KIAA1549L: variants seen among roughly 807,000 people sequenced by gnomAD.
The protein encoded by KIAA1549L is KIAA1549 like.
In KIAA1549L, 88 loss-of-function variants were observed where a neutral mutation model predicts 160.7. The ratio of observed to expected loss-of-function variants is 0.55; its 90% confidence interval spans 0.46 to 0.65. The LOEUF (loss-of-function observed/expected upper bound fraction) is 0.65. Ranked by LOEUF, KIAA1549L falls within the 30% of genes least tolerant of loss-of-function variation. KIAA1549L has a pLI of 0.00. For missense variants in KIAA1549L, 2,258 were observed against 2,437.5 expected, an observed-to-expected ratio of 0.93 and a Z score of 1.55; for synonymous variants, 950 against 976.7, an observed-to-expected ratio of 0.97 and a Z score of 0.51.
intron 19 of KIAA1549L, among the ~76,000 whole-genome samples, chr11:33,659,193 A>G (rs1187576982): frequency 6.6e-6 from 1 of 152,244 alleles, no homozygotes; most frequent in Non-Finnish European, 1.5e-5. Context: ...CATTCCAGAT[A>G]CAGCCATCCA....
intron 16 of KIAA1549L, among the ~76,000 whole-genome samples, chr11:33,636,030 C>T (rs1039502905): frequency 9.9e-5 from 15 of 152,190 alleles, no homozygotes; most frequent in African/African-American, 3.1e-4. Context: ...CCCACTCCAT[C>T]CCACCCAGGA....
At chr11:33,664,510 A>G (rs546821005) in intron 20 of KIAA1549L, among the ~76,000 whole-genome samples, 6 of 152,192 alleles carry the variant, frequency 3.9e-5, no homozygotes, top group Non-Finnish European at 7.3e-5. Flanking sequence ...CACTCGATTC[A>G]TATGTTCAAA....
At chr11:33,393,141 A>T (rs1034973139) in intron 1 of KIAA1549L, among the ~76,000 whole-genome samples, 2 of 151,908 alleles carry the variant, frequency 1.3e-5, no homozygotes, top group African/African-American at 2.4e-5. Context: ...ACCACCTCCA[A>T]CTCACACCTG....
intron 12 of KIAA1549L, among the ~76,000 whole-genome samples, chr11:33,592,402 A>G (rs977870161): frequency 2.0e-5 from 3 of 152,234 alleles, no homozygotes; most frequent in South Asian, 4.1e-4. Flanking sequence ...AGACTTTGCA[A>G]TAGCCTTATA....
intron 1 of KIAA1549L, among the ~76,000 whole-genome samples, chr11:33,522,106 T>C (rs1461045398): frequency 2.0e-5 from 3 of 152,200 alleles, no homozygotes; most frequent in East Asian, 3.8e-4. Context: ...AAGTAAACTA[T>C]AAATGAAAAT....
Position 33,561,747 on chromosome 11 carries a change from T to A in KIAA1549L, c.4078+12T>A. On this transcript the variant is annotated intron_variant, in intron 8 of 20. Coordinates refer to ENST00000658780, the MANE Select transcript of KIAA1549L (RefSeq NM_012194.3). ...TTGGGTAATTACAGGTAATCTCTTA[T>A]TTTGTAATTTCCCCTCTTCATGCTG... 2 of 1,570,868 alleles carry A rather than the reference T, an allele frequency of 1.3e-6. No homozygotes were observed. Among genetic ancestry groups the A allele is most frequent in the Non-Finnish European group, 1.8e-6 (2 of 1,141,090 alleles).
At chr11:33,392,195 C>T (rs760276394) in intron 1 of KIAA1549L, among the ~76,000 whole-genome samples, 4 of 152,202 alleles carry the variant, frequency 2.6e-5, no homozygotes, top group Admixed American at 6.5e-5. Context: ...TTATACAGTG[C>T]AGTCCTTCCC....
At chr11:33,538,831 A>G (rs942583419) in intron 1 of KIAA1549L, among the ~76,000 whole-genome samples, 1 of 152,234 alleles carries the variant, frequency 6.6e-6, no homozygotes, top group Non-Finnish European at 1.5e-5. Flanking sequence ...AAATTAATGT[A>G]ACCTAAGGAT....
At chr11:33,547,959 C>T in intron 4 of KIAA1549L, 80 bp downstream of exon 4, 3 of 907,364 alleles carry the variant, frequency 3.3e-6, no homozygotes, top group South Asian at 3.0e-5. Context: ...TTGTTTTCCT[C>T]CTTTCTAGGG....
chr11:33,426,763 A>C (rs1851124770), intron 1 of KIAA1549L, among the ~76,000 whole-genome samples: 1 of 152,200 alleles, frequency 6.6e-6, no homozygotes, highest in African/African-American at 2.4e-5. Flanking sequence ...GATGGAGTGG[A>C]AATCTGACTG....
At chr11:33,431,859 A>G (rs1047348824) in intron 1 of KIAA1549L, among the ~76,000 whole-genome samples, 2 of 152,246 alleles carry the variant, frequency 1.3e-5, no homozygotes, top group Non-Finnish European at 1.5e-5. Flanking sequence ...AGGCTCAGCC[A>G]TGGTGGGCTG....
At position 33,542,169 on chromosome 11, in the gene KIAA1549L, C is replaced by T. The variant is rs906093519; in HGVS notation, c.606C>T (p.Leu202=). 9.8e-6 allele frequency: 6 copies of T among 613,274 alleles called. No individual in the cohort carries two copies. Among genetic ancestry groups the T allele is most frequent in the Admixed American group, 6.4e-5 (3 of 47,146 alleles). 38.0% of individuals were successfully genotyped at this position (613,274 alleles called of 1,614,324 possible). A position where few individuals can be genotyped will look rare whatever the true frequency, so the allele number is the denominator to read the frequency against. The change falls in exon 2 of 21, where the codon CTC becomes CTT. Residue 202 remains leucine, a synonymous_variant. Coordinates refer to ENST00000658780, the MANE Select transcript of KIAA1549L (RefSeq NM_012194.3). ...DVSGLPLTSM[L]PSLSTVPSGT... The stretch of plus-strand genomic sequence containing the variant: ...CAGGTTTGCCTCTCACCAGCATGCT[C>T]CCCTCGTTGTCCACAGTCCCATCAG...
chr11:33,648,761 C>G (rs1656266427), intron 17 of KIAA1549L, among the ~76,000 whole-genome samples: 1 of 151,764 alleles, frequency 6.6e-6, no homozygotes, highest in African/African-American at 2.4e-5. Flanking sequence ...GGATCTATGC[C>G]AAGCAGAATT....
At chr11:33,557,387 G>T (rs74459725) in intron 6 of KIAA1549L, among the ~76,000 whole-genome samples, 3 of 151,756 alleles carry the variant, frequency 2.0e-5, no homozygotes, top group Non-Finnish European at 2.9e-5. Flanking sequence ...TTAGGTGGCC[G>T]TATGGTGAAG....
chr11:33,399,194 C>A (rs1285673311), intron 1 of KIAA1549L, among the ~76,000 whole-genome samples: 1 of 152,108 alleles, frequency 6.6e-6, no homozygotes, highest in East Asian at 1.9e-4. Context: ...CTCAAGTGAT[C>A]CACCTGCTTT....
intron 1 of KIAA1549L, among the ~76,000 whole-genome samples, chr11:33,446,763 A>G (rs1004790141): frequency 1.3e-5 from 2 of 152,104 alleles, no homozygotes; most frequent in African/African-American, 2.4e-5. Flanking sequence ...GGGCGTCTTC[A>G]TGGTGCTGCC....
chr11:33,582,193 T>A (rs1382346272), intron 10 of KIAA1549L, among the ~76,000 whole-genome samples: 2 of 152,228 alleles, frequency 1.3e-5, no homozygotes, highest in East Asian at 3.8e-4. Flanking sequence ...CACCGATTGA[T>A]AAAAACTGTG....
At chr11:33,438,677 G>T (rs549376689) in intron 1 of KIAA1549L, among the ~76,000 whole-genome samples, 1 of 152,264 alleles carries the variant, frequency 6.6e-6, no homozygotes, top group South Asian at 2.1e-4. Flanking sequence ...GTCACTCTTT[G>T]GAATTGCTGT....
At chr11:33,619,709 C>T (rs1564927294) in intron 16 of KIAA1549L, among the ~76,000 whole-genome samples, 1 of 152,046 alleles carries the variant, frequency 6.6e-6, no homozygotes, top group East Asian at 1.9e-4. Flanking sequence ...GTTTCTTTTT[C>T]CTTTTTCATA....
Sources: allele counts gnomAD v4.1 joint callset (sites outside exome capture counted in the v4.1 genomes callset), GRCh38; gene constraint gnomAD v4.1.1; transcripts MANE v1.5; gene names NCBI Gene and HGNC (gene_info 2026-07-23, HGNC 2026-07-21).